USH2A: variants seen among roughly 807,000 people sequenced by gnomAD.
USH2A encodes the protein usherin, also known as Usher syndrome 2A (autosomal recessive, mild).
In USH2A, 443 loss-of-function variants were observed where a neutral mutation model predicts 538.9. The observed-to-expected ratio is 0.82, with a 90% CI of 0.76 to 0.89. The LOEUF (loss-of-function observed/expected upper bound fraction) is 0.89, where lower values mean the gene tolerates loss of function less well. Among genes scored for constraint, USH2A ranks in the 40% least tolerant of loss-of-function variants. USH2A has a pLI of 0.00. For missense variants in USH2A, 6,633 were observed against 6,324.8 expected, an observed-to-expected ratio of 1.05 and a Z score of -1.65; for synonymous variants, 2,413 against 2,273.5, an observed-to-expected ratio of 1.06 and a Z score of -1.75.
rs76846435 is a variant in USH2A at position 215,779,383 on chromosome 1, C to T, written c.10939+460G>A. On this transcript the variant is annotated intron_variant, in intron 55 of 71. Transcript: ENST00000307340. ...ACACAATTGCTATTAATTAACATTC[C>T]TAATAGTAACAAACAGTCACAATGA... 5.9e-5 allele frequency among the ~76,000 whole-genome samples: 9 copies of T among 151,990 alleles called. No individual in the cohort carries two copies. The East Asian group carries it at 1.7e-3, about 29-fold the overall frequency.
chr1:215,813,730 C>T lies in USH2A; in HGVS notation c.9739+6G>A, dbSNP rs897563653. ...GTTTTTGAGTACACCTGGAAATAACCCTCACCTGGTAGAATTCTAGCGTAA... is the reference window on the plus strand; with the variant it reads ...GTTTTTGAGTACACCTGGAAATAACTCTCACCTGGTAGAATTCTAGCGTAA... On this transcript the variant is annotated splice_donor_region_variant and intron_variant, in intron 49 of 71. Coordinates refer to ENST00000307340, the MANE Select transcript of USH2A (RefSeq NM_206933.4). 9.3e-6 allele frequency: 15 copies of T among 1,613,680 alleles called. No homozygotes were observed. Among genetic ancestry groups the T allele is most frequent in the Non-Finnish European group, 1.3e-5 (15 of 1,179,754 alleles).
chr1:216,294,285 G>A (rs17650989), intron 9 of USH2A, among the ~76,000 whole-genome samples: 7,821 of 151,936 alleles, frequency 0.051, 317 homozygotes, highest in Middle Eastern at 0.17. Flanking sequence ...TAAAAGCACT[G>A]GTAATTTGAC....
At chr1:216,412,469 C>T (rs1023776483) in intron 3 of USH2A, among the ~76,000 whole-genome samples, 5 of 151,870 alleles carry the variant, frequency 3.3e-5, no homozygotes, top group South Asian at 2.1e-4. Flanking sequence ...TGTAGTCTAT[C>T]GCAACTGCCA....
intron 70 of USH2A, among the ~76,000 whole-genome samples, chr1:215,630,482 G>GTGTATA (rs1293184920): frequency 1.5e-3 from 33 of 22,548 alleles, no homozygotes; most frequent in African/African-American, 2.9e-3. Flanking sequence ...ATGTGTGTGT[G>GTGTATA]TATATATATA....
chr1:215,866,380 C>T (rs1488612617), intron 44 of USH2A, among the ~76,000 whole-genome samples: 1 of 152,090 alleles, frequency 6.6e-6, no homozygotes, highest in Non-Finnish European at 1.5e-5. Context: ...CTTCCAAATG[C>T]CTGTTAAAAA....
intron 11 of USH2A, among the ~76,000 whole-genome samples, chr1:216,280,890 T>C (rs2036762069): frequency 6.6e-6 from 1 of 152,186 alleles, no homozygotes; most frequent in Admixed American, 6.5e-5. Flanking sequence ...CTTGAACTAC[T>C]GCCTAATTTC....
At position 216,366,057 on chromosome 1, in the gene USH2A, T is replaced by C. The variant is rs559723267; in HGVS notation, c.652-972A>G. 5.3e-5 allele frequency among the ~76,000 whole-genome samples: 8 copies of C among 152,262 alleles called. No homozygotes were observed. In the South Asian group the frequency reaches 1.7e-3, roughly 32 times the overall value. On this transcript the variant is annotated intron_variant, in intron 3 of 71. Transcript: ENST00000307340. ...CACTTCTAAATAAACTAATCAGCTGTTTGGACATCAACTTCATCTCTGCAA... is the reference window on the plus strand; with the variant it reads ...CACTTCTAAATAAACTAATCAGCTGCTTGGACATCAACTTCATCTCTGCAA...
At chr1:215,953,861 T>G (rs1055652882) in intron 37 of USH2A, among the ~76,000 whole-genome samples, 6 of 151,762 alleles carry the variant, frequency 4.0e-5, no homozygotes, top group African/African-American at 1.5e-4. Context: ...TCCAACAAAT[T>G]TACAAGAAAA....
At chr1:216,084,251 T>C (rs545615842) in intron 25 of USH2A, among the ~76,000 whole-genome samples, 136 of 152,282 alleles carry the variant, frequency 8.9e-4, no homozygotes, top group Non-Finnish European at 1.1e-3. Context: ...TCTCTCTCAA[T>C]GGCCTACTTA....
chr1:216,209,585 A>G (rs1404339590), intron 15 of USH2A, among the ~76,000 whole-genome samples: 2 of 152,226 alleles, frequency 1.3e-5, no homozygotes, highest in East Asian at 1.9e-4. Flanking sequence ...AAGATATAAT[A>G]TAATCAAATT....
intron 37 of USH2A, among the ~76,000 whole-genome samples, chr1:215,957,097 A>C (rs1241435321): frequency 6.6e-6 from 1 of 152,204 alleles, no homozygotes; most frequent in Non-Finnish European, 1.5e-5. Context: ...GGAAACTTAC[A>C]GAAAGATATA....
At chr1:216,312,013 TA>T (rs1223828928) in intron 9 of USH2A, among the ~76,000 whole-genome samples, 1 of 152,156 alleles carries the variant, frequency 6.6e-6, no homozygotes, top group African/African-American at 2.4e-5. Context: ...TTTCTTTACA[TA>T]AATCTGAGTT....
At chr1:216,080,717 GAGACTGTAGAACAAGTTCTTACAGAGGA>G (rs2031914966) in intron 26 of USH2A, among the ~76,000 whole-genome samples, 1 of 150,918 alleles carries the variant, frequency 6.6e-6, no homozygotes, top group Non-Finnish European at 1.5e-5. Flanking sequence ...ACAAAGAGGG[GAGACTGTAGAACAAGTTCTTACAGAGGA>G]AGGGATAGAA....
chr1:215,964,739 T>C (rs1424467847), intron 37 of USH2A, among the ~76,000 whole-genome samples: 1 of 152,168 alleles, frequency 6.6e-6, no homozygotes, highest in Non-Finnish European at 1.5e-5. Context: ...AAAATAAACA[T>C]CATGCTACCA....
At chr1:216,335,962 A>T (rs1229024903) in intron 4 of USH2A, among the ~76,000 whole-genome samples, 2 of 151,606 alleles carry the variant, frequency 1.3e-5, no homozygotes, top group African/African-American at 4.8e-5. Context: ...AACATCAAAG[A>T]CATCAAAAGA....
intron 30 of USH2A, among the ~76,000 whole-genome samples, chr1:216,051,977 T>C (rs568799358): frequency 6.6e-5 from 10 of 152,318 alleles, no homozygotes; most frequent in African/African-American, 2.4e-4. Flanking sequence ...AGGGATTGTA[T>C]CAAACCAGAT....
intron 61 of USH2A, among the ~76,000 whole-genome samples, chr1:215,690,536 A>G (rs964797477): frequency 2.6e-5 from 4 of 152,176 alleles, no homozygotes; most frequent in African/African-American, 9.7e-5. Context: ...AGCCTGGGCA[A>G]CATAAGAAGA....
chr1:215,965,235 A>C, intron 37 of USH2A, 82 bp downstream of exon 37: 1 of 1,465,912 alleles, frequency 6.8e-7, no homozygotes, highest in African/African-American at 1.4e-5. Flanking sequence ...TAAAAGAAAG[A>C]TTTTAGCCAA....
At chr1:216,076,402 C>T (rs914159117) in intron 27 of USH2A, among the ~76,000 whole-genome samples, 4 of 151,990 alleles carry the variant, frequency 2.6e-5, no homozygotes, top group African/African-American at 4.8e-5. Flanking sequence ...ATGTTTTAAA[C>T]TTCTGTTATT....
Sources: gnomAD v4.1 joint callset for allele counts (sites outside exome capture counted in the v4.1 genomes callset) on GRCh38, gnomAD v4.1.1 for gene constraint, MANE v1.5 for transcripts, NCBI Gene and HGNC (gene_info 2026-07-23, HGNC 2026-07-21) for gene names.